ETFA: variants seen among roughly 807,000 people sequenced by gnomAD.
ETFA encodes electron transfer flavoprotein subunit alpha, also known as electron transfer flavoprotein subunit alpha, mitochondrial.
In ETFA, 22 loss-of-function variants were observed where a neutral mutation model predicts 46.2. The ratio of observed to expected loss-of-function variants is 0.48; its 90% CI spans 0.34 to 0.68. The LOEUF (loss-of-function observed/expected upper bound fraction) is 0.68, where lower values mean the gene tolerates loss of function less well. Ranked by LOEUF, ETFA falls within the 30% of genes least tolerant of loss-of-function variation. The pLI, the probability that ETFA is intolerant of heterozygous loss-of-function variation, is 0.01. For missense variants in ETFA, 345 were observed against 401.1 expected (o/e 0.86, Z 1.19); for synonymous variants, 131 against 139.9 (o/e 0.94, Z 0.45).
At chr15:76,309,107 C>T (rs1458789463) in intron 1 of ETFA, among the ~76,000 whole-genome samples, 1 of 152,178 alleles carries the variant, frequency 6.6e-6, no homozygotes, top group Non-Finnish European at 1.5e-5. Context: ...GCCACCATTT[C>T]TTTTATGCTA....
rs1055372802 is a variant in ETFA at position 76,216,292 on chromosome 15, G to A, written c.*267C>T. On this transcript the variant is annotated 3_prime_UTR_variant, in exon 12 of 12. Coordinates refer to ENST00000557943, the MANE Select transcript of ETFA (RefSeq NM_000126.4). ...TTCTCTAGAGGCTAGGCATATTTCT[G>A]ATAGTTTTAAAGCTGTGGAAAAGCT... 2.7e-6 allele frequency: 1 copy of A among 368,338 alleles called. No individual in the cohort carries two copies. The highest frequency in any genetic ancestry group is 4.8e-6 in the Non-Finnish European group (1 of 206,270). The allele number at this position is 368,338 out of a possible 1,614,324, so 22.8% of individuals were successfully genotyped here. A position where few individuals can be genotyped will look rare whatever the true frequency, so the allele number is the denominator to read the frequency against.
intron 1 of ETFA, among the ~76,000 whole-genome samples, chr15:76,298,250 G>T (rs2141547638): frequency 6.6e-6 from 1 of 152,172 alleles, no homozygotes; most frequent in Non-Finnish European, 1.5e-5. Context: ...CACCATGTTG[G>T]CCAGGCTGGC....
chr15:76,234,568 G>A (rs886766166), intron 9 of ETFA, among the ~76,000 whole-genome samples: 6 of 152,112 alleles, frequency 3.9e-5, no homozygotes, highest in African/African-American at 7.2e-5. Flanking sequence ...AGGCGTGGTG[G>A]GGGACGGTGG....
At chr15:76,274,539 C>A in intron 8 of ETFA, 45 bp from the exon 9 acceptor site, 1 of 1,458,850 alleles carries the variant, frequency 6.9e-7, no homozygotes, top group Non-Finnish European at 9.5e-7. Context: ...CTCTATTATT[C>A]AGCTAGTTAG....
At chr15:76,223,616 C>T (rs927787940) in intron 11 of ETFA, among the ~76,000 whole-genome samples, 2 of 152,230 alleles carry the variant, frequency 1.3e-5, no homozygotes, top group Non-Finnish European at 1.5e-5. Context: ...GGTCTGAAGT[C>T]TCTCTCTAGT....
At chr15:76,270,155 A>G (rs2039514084) in intron 9 of ETFA, among the ~76,000 whole-genome samples, 1 of 152,186 alleles carries the variant, frequency 6.6e-6, no homozygotes, top group Non-Finnish European at 1.5e-5. Context: ...ACCTTGGGAA[A>G]AAGCTACCCA....
intron 9 of ETFA, among the ~76,000 whole-genome samples, chr15:76,245,855 T>A (rs2039238433): frequency 2.0e-5 from 3 of 152,178 alleles, no homozygotes; most frequent in African/African-American, 7.2e-5. Flanking sequence ...AAGTATTAAA[T>A]GGAAACTACC....
At chr15:76,219,881 G>C (rs1284987827) in intron 11 of ETFA, among the ~76,000 whole-genome samples, 1 of 152,190 alleles carries the variant, frequency 6.6e-6, no homozygotes, top group Non-Finnish European at 1.5e-5. Context: ...ACTGCTGGTG[G>C]AAACGTAAAA....
chr15:76,248,926 A>C (rs2039268877), intron 9 of ETFA, among the ~76,000 whole-genome samples: 1 of 152,058 alleles, frequency 6.6e-6, no homozygotes, highest in South Asian at 2.1e-4. Flanking sequence ...AAGATAACTT[A>C]ATAGAAAAAT....
At chr15:76,259,515 G>A (rs1276953419) in intron 9 of ETFA, 4 of 830,558 alleles carry the variant, frequency 4.8e-6, no homozygotes, top group Admixed American at 1.7e-5. Context: ...TTCGATGCCA[G>A]CGTATGGTGT....
intron 9 of ETFA, among the ~76,000 whole-genome samples, chr15:76,273,812 T>C (rs1240309423): frequency 6.6e-6 from 1 of 152,168 alleles, no homozygotes; most frequent in Admixed American, 6.5e-5. Flanking sequence ...CTAAGAAATA[T>C]AAACAGTCAT....
chr15:76,231,715 C>T (rs1197571230), intron 9 of ETFA, among the ~76,000 whole-genome samples: 2 of 152,128 alleles, frequency 1.3e-5, no homozygotes, highest in African/African-American at 2.4e-5. Flanking sequence ...TGTGAGGTAG[C>T]ATTTTTCATC....
chr15:76,265,781 A>G (rs2039464867), intron 9 of ETFA, among the ~76,000 whole-genome samples: 1 of 152,224 alleles, frequency 6.6e-6, no homozygotes, highest in Non-Finnish European at 1.5e-5. Flanking sequence ...TAGTGGACAA[A>G]TGATGAAAAA....
At chr15:76,301,413 T>A (rs904666039) in intron 1 of ETFA, among the ~76,000 whole-genome samples, 16 of 152,160 alleles carry the variant, frequency 1.1e-4, no homozygotes, top group African/African-American at 3.9e-4. Context: ...ACATTTTTTT[T>A]AAAGAACTCT....
intron 10 of ETFA, chr15:76,230,000 T>C (rs2039047428): frequency 2.0e-5 from 3 of 151,620 alleles, no homozygotes; most frequent in South Asian, 4.2e-4. Context: ...AAGTGTTTCC[T>C]GGCCGGGCGC....
At chr15:76,238,241 G>A (rs1488923039) in intron 9 of ETFA, among the ~76,000 whole-genome samples, 1 of 152,070 alleles carries the variant, frequency 6.6e-6, no homozygotes, top group East Asian at 1.9e-4. Flanking sequence ...TATGAAATAC[G>A]AATATGAGTA....
At chr15:76,275,753 G>A (rs548373276) in intron 8 of ETFA, among the ~76,000 whole-genome samples, 27 of 151,870 alleles carry the variant, frequency 1.8e-4, no homozygotes, top group Non-Finnish European at 3.5e-4. Context: ...TTGTATTTTT[G>A]TTTTACTTTA....
chr15:76,303,512 C>T (rs1243419902), intron 1 of ETFA, among the ~76,000 whole-genome samples: 1 of 144,528 alleles, frequency 6.9e-6, no homozygotes, highest in East Asian at 1.9e-4. Context: ...AATAAACTAT[C>T]AACAAAGTAA....
At chr15:76,263,823 C>T (rs894595081) in intron 9 of ETFA, among the ~76,000 whole-genome samples, 1 of 152,144 alleles carries the variant, frequency 6.6e-6, no homozygotes, top group Admixed American at 6.5e-5. Flanking sequence ...GTGTGAGAAA[C>T]AGCTACCGGA....
Sources: gnomAD v4.1 joint callset for allele counts (sites outside exome capture counted in the v4.1 genomes callset) on GRCh38, gnomAD v4.1.1 for gene constraint, MANE v1.5 for transcripts, NCBI Gene and HGNC (gene_info 2026-07-23, HGNC 2026-07-21) for gene names.